The following CYP2C19 variants were observed in gnomAD, a reference collection of about 807,000 sequenced individuals.
The protein encoded by CYP2C19 is cytochrome P450 2C19.
CYP2C19 carries 59 observed loss-of-function variants against 40.9 expected under a neutral mutation model. That is an observed-to-expected ratio of 1.44 (90% confidence interval 1.17 to 1.79). CYP2C19 has a LOEUF of 1.79. CYP2C19 is among the 40% of genes most tolerant of loss of function. CYP2C19 has a pLI of 0.00. For missense variants in CYP2C19, 754 were observed against 596.9 expected, an observed-to-expected ratio of 1.26 and a Z score of -2.74; for synonymous variants, 253 against 208.7, an observed-to-expected ratio of 1.21 and a Z score of -1.83.
At chr10:94,807,590 G>T (rs567161548) in intron 5 of CYP2C19, among the ~76,000 whole-genome samples, 1 of 152,042 alleles carries the variant, frequency 6.6e-6, no homozygotes, top group African/African-American at 2.4e-5. Flanking sequence ...ATTCTAACTG[G>T]AGTGAGCTGA....
In CYP2C19 at chr10:94,842,965, A is replaced by C; in HGVS notation, c.1090A>C (p.Thr364Pro). The C allele has an allele frequency of 6.2e-7, 1 of 1,614,192 alleles. No homozygotes were observed. Among genetic ancestry groups the C allele is most frequent in the Admixed American group, 1.7e-5 (1 of 60,026 alleles). Residue 364 changes from threonine (T) to proline (P), a missense_variant, in exon 7 of 9, where the codon ACC (threonine) becomes CCC (proline). Thr to Pro is a conservative substitution (Grantham distance 38). Transcript: ENST00000371321. Reference protein sequence around the residue: ...EVQRYIDLIPTSLPHAVTCDV... With the variant: ...EVQRYIDLIPPSLPHAVTCDV... ...CCAGAGATACATCGACCTCATCCCCACCAGCCTGCCCCATGCAGTGACCTG... is the reference window on the plus strand; with the variant it reads ...CCAGAGATACATCGACCTCATCCCCCCCAGCCTGCCCCATGCAGTGACCTG...
At chr10:94,785,412 G>A (rs529919636) in intron 5 of CYP2C19, among the ~76,000 whole-genome samples, 2 of 152,184 alleles carry the variant, frequency 1.3e-5, no homozygotes, top group Non-Finnish European at 1.5e-5. Flanking sequence ...ACCATTTGTT[G>A]AAGAGATTCT....
chr10:94,795,316 C>T (rs1425840208), intron 5 of CYP2C19, among the ~76,000 whole-genome samples: 1 of 151,926 alleles, frequency 6.6e-6, no homozygotes, highest in East Asian at 1.9e-4. Flanking sequence ...ATCCATGTCC[C>T]TACAAAGGAC....
intron 5 of CYP2C19, among the ~76,000 whole-genome samples, chr10:94,812,578 T>C (rs1399573399): frequency 2.0e-5 from 3 of 152,230 alleles, no homozygotes; most frequent in Non-Finnish European, 4.4e-5. Flanking sequence ...CATTTCTTTT[T>C]ATTCTTATTT....
At chr10:94,798,043 T>G (rs576790501) in intron 5 of CYP2C19, among the ~76,000 whole-genome samples, 38 of 152,160 alleles carry the variant, frequency 2.5e-4, no homozygotes, top group South Asian at 6.2e-4. Context: ...GCTTTGGAAT[T>G]TGTTTGCTCT....
chr10:94,800,392 A>T (rs955806364), intron 5 of CYP2C19, among the ~76,000 whole-genome samples: 8 of 152,176 alleles, frequency 5.3e-5, no homozygotes, highest in African/African-American at 1.9e-4. Flanking sequence ...CTTTCTCTGG[A>T]AGCTTCATCC....
At chr10:94,849,016 T>C (rs1341620443) in intron 7 of CYP2C19, among the ~76,000 whole-genome samples, 1 of 152,232 alleles carries the variant, frequency 6.6e-6, no homozygotes, top group Non-Finnish European at 1.5e-5. Flanking sequence ...AATCATGTCA[T>C]CTGCAAACAG....
chr10:94,825,175 A>G (rs1358003779), intron 6 of CYP2C19, among the ~76,000 whole-genome samples: 1 of 145,602 alleles, frequency 6.9e-6, no homozygotes, highest in Non-Finnish European at 1.5e-5. Context: ...TATACTCAGT[A>G]ATGGGATGGC....
rs745667097 is a variant in CYP2C19, at chr10:94,820,587, C to G, written c.911C>G (p.Thr304Arg). 7.4e-6 allele frequency: 12 copies of G among 1,614,094 alleles called. No individual in the cohort carries two copies. Among genetic ancestry groups the G allele is most frequent in the Middle Eastern group, 1.6e-4 (1 of 6,084 alleles). The change falls in exon 6 of 9, where the codon ACA becomes AGA. Residue 304 changes from threonine (T) to arginine (R), a missense_variant. Physicochemically the swap from Thr to Arg is moderately conservative, Grantham distance 71. Transcript: ENST00000371321. ...LLGAGTETTS[T>R]TLRYALLLLL... ...GGAGCTGGGACAGAGACAACAAGCA[C>G]AACCCTGAGATATGCTCTCCTTCTC...
intron 5 of CYP2C19, among the ~76,000 whole-genome samples, chr10:94,808,658 A>G (rs779052051): frequency 1.3e-5 from 2 of 152,080 alleles, no homozygotes; most frequent in Non-Finnish European, 2.9e-5. Flanking sequence ...TGAGTTTTAG[A>G]TCCCACAAAT....
At chr10:94,812,841 C>T (rs1235828125) in intron 5 of CYP2C19, among the ~76,000 whole-genome samples, 2 of 152,042 alleles carry the variant, frequency 1.3e-5, no homozygotes, top group African/African-American at 4.8e-5. Flanking sequence ...TGTTATTACA[C>T]ACCTTCTGAA....
intron 5 of CYP2C19, among the ~76,000 whole-genome samples, chr10:94,802,982 T>C (rs1728924120): frequency 6.6e-6 from 1 of 152,196 alleles, no homozygotes; most frequent in South Asian, 2.1e-4. Context: ...TTTTCCTTTG[T>C]GGGTAACCCA....
In CYP2C19 at chr10:94,773,065, G is replaced by A. The variant is rs1428413317; in HGVS notation, c.169-1993G>A. On this transcript the variant is annotated intron_variant, in intron 1 of 8. Transcript: ENST00000371321. Reference sequence around the variant, plus strand: ...CAAAGTGCTGGGATTACAGGCGTGAGCCACCGCACCCGGCCATTGGTCACT... The same window carrying A: ...CAAAGTGCTGGGATTACAGGCGTGAACCACCGCACCCGGCCATTGGTCACT... 3.9e-5 allele frequency among the ~76,000 whole-genome samples: 6 copies of A among 152,182 alleles called. No homozygotes were observed. The East Asian group carries it at 1.2e-3, about 29-fold the overall frequency.
intron 1 of CYP2C19, among the ~76,000 whole-genome samples, chr10:94,764,404 G>A (rs1848213845): frequency 6.6e-6 from 1 of 152,118 alleles, no homozygotes; most frequent in African/African-American, 2.4e-5. Flanking sequence ...GTTGATTGGT[G>A]CATCTGCAAA....
intron 5 of CYP2C19, among the ~76,000 whole-genome samples, chr10:94,794,795 G>C (rs1346323681): frequency 2.0e-5 from 3 of 152,028 alleles, no homozygotes; most frequent in Non-Finnish European, 4.4e-5. Context: ...AGCTTAAGGA[G>C]ATTTTGGGCT....
intron 7 of CYP2C19, among the ~76,000 whole-genome samples, chr10:94,845,182 A>C (rs141681264): frequency 6.6e-6 from 1 of 152,316 alleles, no homozygotes; most frequent in African/African-American, 2.4e-5. Flanking sequence ...AGGAGTTGGC[A>C]AACTGTTCCT....
chr10:94,829,442 C>T lies in CYP2C19; in HGVS notation c.961+8805C>T, dbSNP rs574698482. On this transcript the variant is annotated intron_variant, in intron 6 of 8. Transcript: ENST00000371321. ...GCTGATACCCTTTCTTCCAGTTGAT[C>T]GCATTGGCTCCTGAGACTTCTGCAT... 8.3e-4 allele frequency among the ~76,000 whole-genome samples: 127 copies of T among 152,304 alleles called. 1 individual carries two copies. The highest frequency in any genetic ancestry group is 2.8e-3 in the African/African-American group (116 of 41,578).
chr10:94,820,442 C>G, intron 5 of CYP2C19, 54 bp from the exon 6 acceptor site: 2 of 1,595,972 alleles, frequency 1.3e-6, no homozygotes, highest in Non-Finnish European at 1.7e-6. Context: ...AATTTACTGT[C>G]ATCAAATATG....
chr10:94,848,930 A>G lies in CYP2C19; in HGVS notation c.1150-987A>G, dbSNP rs566827232. The stretch of plus-strand genomic sequence containing the variant: ...TGTGATTTTTGTCCATTGATTTTGT[A>G]TCCTGAGACTTTGCTGAAGTTGTTT... On this transcript the variant is annotated intron_variant, in intron 7 of 8. Transcript: ENST00000371321. 3.3e-5 allele frequency among the ~76,000 whole-genome samples: 5 copies of G among 152,200 alleles called. No individual in the cohort carries two copies. In the East Asian group the frequency reaches 9.6e-4, roughly 29 times the overall value.
Sources: gnomAD v4.1 joint callset for allele counts (sites outside exome capture counted in the v4.1 genomes callset) on GRCh38, gnomAD v4.1.1 for gene constraint, MANE v1.5 for transcripts, NCBI Gene and HGNC (gene_info 2026-07-23, HGNC 2026-07-21) for gene names.